Variants in FEM1C observed in about 807,000 individuals in gnomAD.
The protein encoded by FEM1C is fem-1 homolog C.
In FEM1C, 15 loss-of-function variants were observed where a neutral mutation model predicts 37.6. The ratio of observed to expected loss-of-function variants is 0.40; its 90% CI spans 0.27 to 0.61. The LOEUF (loss-of-function observed/expected upper bound fraction) is 0.61. Ranked by LOEUF, FEM1C falls within the 20% of genes least tolerant of loss-of-function variation. The pLI is 0.42. For synonymous variants in FEM1C, 287 were observed against 272.8 expected (o/e 1.05, Z -0.51); for missense variants, 532 against 749.7 (o/e 0.71, Z 3.39).
chr5:115,536,724 CAA>C (rs1022369265), intron 2 of FEM1C, among the ~76,000 whole-genome samples: 1 of 151,770 alleles, frequency 6.6e-6, no homozygotes, highest in Non-Finnish European at 1.5e-5. Flanking sequence ...TAAATTGTGC[CAA>C]GACTACTTAC....
chr5:115,538,102 T>C (rs938158291), intron 2 of FEM1C, among the ~76,000 whole-genome samples: 1 of 152,038 alleles, frequency 6.6e-6, no homozygotes, highest in Non-Finnish European at 1.5e-5. Flanking sequence ...AAAAGGAAAG[T>C]AGAAACTTTT....
At chr5:115,534,940 T>C (rs1046159153) in intron 2 of FEM1C, among the ~76,000 whole-genome samples, 1 of 151,920 alleles carries the variant, frequency 6.6e-6, no homozygotes, top group Non-Finnish European at 1.5e-5. Flanking sequence ...ATAGCTAATA[T>C]ATCTAATAGC....
At chr5:115,543,763 G>GC in intron 1 of FEM1C, 80 bp from the exon 2 acceptor site, 1 of 1,232,486 alleles carries the variant, frequency 8.1e-7, no homozygotes, top group South Asian at 2.3e-5. Flanking sequence ...CACTTCTGTG[G>GC]GAAGAAAGGA....
Position 115,522,405 on chromosome 5 carries a change from G to C in FEM1C, c.*1903C>G, listed in dbSNP as rs1174429720. The C allele has an allele frequency of 1.3e-5, 2 of 151,898 alleles. No homozygotes were observed. The highest frequency in any genetic ancestry group is 2.9e-5 in the Non-Finnish European group (2 of 67,870). 9.4% of individuals were successfully genotyped at this position (151,898 alleles called of 1,614,324 possible). A position where few individuals can be genotyped will look rare whatever the true frequency, so the allele number is the denominator to read the frequency against. On this transcript the variant is annotated 3_prime_UTR_variant, in exon 3 of 3. Coordinates refer to ENST00000274457, the MANE Select transcript of FEM1C (RefSeq NM_020177.3). ...ATTTCATCAAATTTTCCCACAGTGA[G>C]AGATAGTAAAACCTCTTCATCAAAA...
At position 115,522,883 on chromosome 5, in the gene FEM1C, ACTTAT is replaced by A. The variant is rs536508304; in HGVS notation, c.*1420_*1424del. ...ACCTGAATCTTTTTTAGTACTTTTC[ACTTAT>A]CTTAAGTTAAAAGAGCCCTTTCTGT... On this transcript the variant is annotated 3_prime_UTR_variant, in exon 3 of 3. Coordinates refer to ENST00000274457, the MANE Select transcript of FEM1C (RefSeq NM_020177.3). 11 of 152,474 alleles carry A rather than the reference ACTTAT, an allele frequency of 7.2e-5. No homozygotes were observed. The South Asian group carries it at 8.3e-4, about 11-fold the overall frequency. 9.4% of individuals were successfully genotyped at this position (152,474 alleles called of 1,614,324 possible).
intron 2 of FEM1C, 78 bp downstream of exon 2, chr5:115,542,872 A>C: frequency 1.3e-6 from 2 of 1,525,020 alleles, no homozygotes; most frequent in Non-Finnish European, 1.8e-6. Context: ...TTTACTCAAC[A>C]CCAGTGCTTA....
At chr5:115,541,912 T>C (rs1297153430) in intron 2 of FEM1C, among the ~76,000 whole-genome samples, 2 of 152,156 alleles carry the variant, frequency 1.3e-5, no homozygotes, top group African/African-American at 4.8e-5. Context: ...TAAATAGTGG[T>C]TGTCAGCGCA....
At chr5:115,541,300 G>A (rs1328770123) in intron 2 of FEM1C, among the ~76,000 whole-genome samples, 1 of 152,106 alleles carries the variant, frequency 6.6e-6, no homozygotes, top group Non-Finnish European at 1.5e-5. Flanking sequence ...TTATCCCTGA[G>A]TACTGGGATT....
At chr5:115,544,116 G>C in intron 1 of FEM1C, 2 of 985,430 alleles carry the variant, frequency 2.0e-6, no homozygotes, top group Non-Finnish European at 2.4e-6. Context: ...TTTCGAGAAA[G>C]AACAAAAAGG....
At chr5:115,530,171 T>C (rs1319355513) in intron 2 of FEM1C, among the ~76,000 whole-genome samples, 1 of 151,934 alleles carries the variant, frequency 6.6e-6, no homozygotes, top group East Asian at 1.9e-4. Context: ...AATATATGGG[T>C]AGAAAATGAT....
At chr5:115,536,579 AAAC>A (rs1465512494) in intron 2 of FEM1C, among the ~76,000 whole-genome samples, 1 of 151,964 alleles carries the variant, frequency 6.6e-6, no homozygotes, top group Non-Finnish European at 1.5e-5. Context: ...AAAGGGAAAA[AAAC>A]AACTTAGGGT....
In FEM1C at chr5:115,525,432, GT is replaced by G. The variant is rs765838006; in HGVS notation, c.729del (p.Glu243AspfsTer6). 1 of 1,613,502 alleles carries G rather than the reference GT, an allele frequency of 6.2e-7. No homozygotes were observed. Among genetic ancestry groups the G allele is most frequent in the African/African-American group, 1.3e-5 (1 of 74,928 alleles). ...LTHHAQTSKT[E>X]RINALELLGA... is the part of the protein sequence containing the mutation. ...CCCAGAAGCTCTAGAGCATTAATAC[GT>G]TCTGTCTTGCTGGTCTGTGCATGGT... On this transcript the variant is annotated frameshift_variant, in exon 3 of 3. Transcript: ENST00000274457. LOFTEE classifies it high-confidence loss of function.
rs1185158350 is a variant in FEM1C at position 115,522,684 on chromosome 5, G to A, written c.*1624C>T. ...GTAACATCAACCCTCAGAATAAAAT[G>A]TCAACACAAAAATCCAAGTGAGTGA... On this transcript the variant is annotated 3_prime_UTR_variant, in exon 3 of 3. Transcript: ENST00000274457. 1 of 152,272 alleles carries A rather than the reference G, an allele frequency of 6.6e-6. No individual in the cohort carries two copies. Among genetic ancestry groups the A allele is most frequent in the Non-Finnish European group, 1.5e-5 (1 of 67,862 alleles). 9.4% of individuals were successfully genotyped at this position (152,272 alleles called of 1,614,324 possible). A position where few individuals can be genotyped will look rare whatever the true frequency, so the allele number is the denominator to read the frequency against.
At chr5:115,531,950 T>C (rs1754024924) in intron 2 of FEM1C, among the ~76,000 whole-genome samples, 1 of 152,080 alleles carries the variant, frequency 6.6e-6, no homozygotes, top group African/African-American at 2.4e-5. Flanking sequence ...TAAGTACTTC[T>C]CCCAGCACCA....
At chr5:115,532,795 T>G (rs960184496) in intron 2 of FEM1C, among the ~76,000 whole-genome samples, 2 of 152,074 alleles carry the variant, frequency 1.3e-5, no homozygotes, top group Non-Finnish European at 2.9e-5. Flanking sequence ...ATACATTACA[T>G]AAACATTTCC....
At position 115,523,437 on chromosome 5, in the gene FEM1C, TAA is replaced by T. The variant is rs1354706004; in HGVS notation, c.*869_*870del. 1 of 152,488 alleles carries T rather than the reference TAA, an allele frequency of 6.6e-6. No individual in the cohort carries two copies. The highest frequency in any genetic ancestry group is 1.5e-5 in the Non-Finnish European group (1 of 67,970). 9.4% of individuals were successfully genotyped at this position (152,488 alleles called of 1,614,324 possible). A position where few individuals can be genotyped will look rare whatever the true frequency, so the allele number is the denominator to read the frequency against. ...GAGCAGCATGAAAGGTGGGTCACTT[TAA>T]AAAGATTCTTCCTTTTACTGCATGA... On this transcript the variant is annotated 3_prime_UTR_variant, in exon 3 of 3. Transcript: ENST00000274457.
rs1280891552 is a variant in FEM1C at position 115,543,008 on chromosome 5, T to C, written c.486A>G (p.Lys162=). 2 of 1,614,258 alleles carry C rather than the reference T, an allele frequency of 1.2e-6. No homozygotes were observed. The highest frequency in any genetic ancestry group is 1.7e-6 in the Non-Finnish European group (2 of 1,180,040). Residue 162 remains lysine, a synonymous_variant, in exon 2 of 3, where the codon AAA becomes AAG. Coordinates refer to ENST00000274457, the MANE Select transcript of FEM1C (RefSeq NM_020177.3). ...CLMISCYKGH[K]EIAQYLLEKG... ...TTTCAAGTAAATACTGAGCAATCTC[T>C]TTATGTCCTTTGTAACATGAAATCA... is the stretch of plus-strand genomic sequence containing the variant.
chr5:115,539,159 G>T (rs895757216), intron 2 of FEM1C, among the ~76,000 whole-genome samples: 6 of 152,008 alleles, frequency 3.9e-5, no homozygotes, highest in African/African-American at 1.4e-4. Flanking sequence ...ACTGATGAAT[G>T]AGGACAGAAT....
intron 1 of FEM1C, chr5:115,544,053 G>C (rs1038593167): frequency 4.3e-5 from 42 of 985,270 alleles, no homozygotes; most frequent in Admixed American, 6.1e-5. Flanking sequence ...TCTCTTTCTT[G>C]CAACTGCAGG....
Sources: gnomAD v4.1 joint callset for allele counts (sites outside exome capture counted in the v4.1 genomes callset) on GRCh38, gnomAD v4.1.1 for gene constraint, MANE v1.5 for transcripts, NCBI Gene and HGNC (gene_info 2026-07-23, HGNC 2026-07-21) for gene names.